The following CTNNA2 variants were observed in gnomAD, a reference collection of about 807,000 sequenced individuals.
CTNNA2 encodes catenin alpha-2.
Under a neutral mutation model 101.0 loss-of-function variants are expected in CTNNA2, and 42 were observed. The ratio of observed to expected loss-of-function variants is 0.42; its 90% CI spans 0.32 to 0.54. CTNNA2 has a LOEUF of 0.54. Among genes scored for constraint, CTNNA2 ranks in the 20% least tolerant of loss-of-function variants. The pLI is 0.14. For missense variants in CTNNA2, 871 were observed against 1,223.1 expected (o/e 0.71, Z 4.29); for synonymous variants, 450 against 456.4 (o/e 0.99, Z 0.18).
chr2:79,359,172 T>C (rs187838292), intron 3 of CTNNA2, among the ~76,000 whole-genome samples: 1 of 152,234 alleles, frequency 6.6e-6, no homozygotes, highest in East Asian at 1.9e-4. Flanking sequence ...GAGAACTAAC[T>C]GTGGATGCCT....
intron 5 of CTNNA2, among the ~76,000 whole-genome samples, chr2:79,506,256 A>T (rs1671411392): frequency 6.6e-6 from 1 of 152,120 alleles, no homozygotes; most frequent in Non-Finnish European, 1.5e-5. Context: ...GATGGAACAT[A>T]TATTTTTTTC....
intron 7 of CTNNA2, among the ~76,000 whole-genome samples, chr2:79,930,837 A>G (rs1311845681): frequency 6.6e-6 from 1 of 152,180 alleles, no homozygotes; most frequent in Non-Finnish European, 1.5e-5. Context: ...TGTTGAAGGT[A>G]CAGTTAGGCA....
At chr2:80,256,170 A>G (rs1672125759) in intron 7 of CTNNA2, among the ~76,000 whole-genome samples, 1 of 152,126 alleles carries the variant, frequency 6.6e-6, no homozygotes, top group African/African-American at 2.4e-5. Flanking sequence ...GCATCTTCAG[A>G]AACCCGTTAA....
chr2:80,213,693 G>A (rs899563339), intron 7 of CTNNA2, among the ~76,000 whole-genome samples: 1 of 152,224 alleles, frequency 6.6e-6, no homozygotes. Flanking sequence ...ATATTCTGCT[G>A]ATTTGGGGTG....
chr2:80,043,307 C>T (rs1696302594), intron 7 of CTNNA2, among the ~76,000 whole-genome samples: 1 of 151,090 alleles, frequency 6.6e-6, no homozygotes, highest in African/African-American at 2.4e-5. Flanking sequence ...AAGCGATTCT[C>T]ATGCCTCAGC....
rs200132670 is a variant in CTNNA2 at position 80,161,698 on chromosome 2, C to T, written c.1057-231513C>T. 7.4e-4 allele frequency among the ~76,000 whole-genome samples: 113 copies of T among 152,252 alleles called. No individual in the cohort carries two copies. In the East Asian group the frequency reaches 0.02, roughly 27 times the overall value. On this transcript the variant is annotated intron_variant, in intron 7 of 18. Coordinates refer to ENST00000402739, the MANE Select transcript of CTNNA2 (RefSeq NM_001282597.3). ...CCAAAAAAGTATGCTTTCAGTAAAA[C>T]ATTTTACCATTTTATCTAACTGTGC...
At chr2:79,327,994 G>A (rs1676785364) in intron 3 of CTNNA2, among the ~76,000 whole-genome samples, 1 of 152,076 alleles carries the variant, frequency 6.6e-6, no homozygotes, top group African/African-American at 2.4e-5. Context: ...GGGAAGAAAG[G>A]CCTAAGGAAA....
intron 3 of CTNNA2, among the ~76,000 whole-genome samples, chr2:79,784,124 C>T (rs190116721): frequency 1.2e-4 from 19 of 152,282 alleles, no homozygotes; most frequent in Non-Finnish European, 2.5e-4. Flanking sequence ...ATTGACAGCA[C>T]CATCACCCTC....
chr2:80,648,488 T>TG lies in CTNNA2; in HGVS notation c.*617dup, dbSNP rs1294700015. The TG allele has an allele frequency of 6.6e-6, 1 of 152,570 alleles. No homozygotes were observed. Among genetic ancestry groups the TG allele is most frequent in the Non-Finnish European group, 1.5e-5 (1 of 68,036 alleles). The allele number at this position is 152,570 out of a possible 1,614,324, so 9.5% of individuals were successfully genotyped here. A position where few individuals can be genotyped will look rare whatever the true frequency, so the allele number is the denominator to read the frequency against. Reference sequence around the variant, plus strand: ...CTAGTTGTGCCATTACTAGTGATCATGTTTTTTTCCCCCCTTTAATGAAAA... The same window carrying TG: ...CTAGTTGTGCCATTACTAGTGATCATGGTTTTTTTCCCCCCTTTAATGAAAA... On this transcript the variant is annotated 3_prime_UTR_variant, in exon 19 of 19. Transcript: ENST00000402739.
chr2:79,332,230 TA>T (rs1319059394), intron 3 of CTNNA2, among the ~76,000 whole-genome samples: 1 of 151,012 alleles, frequency 6.6e-6, no homozygotes, highest in Non-Finnish European at 1.5e-5. Flanking sequence ...ATAGTATTTA[TA>T]TACATACCAG....
intron 7 of CTNNA2, among the ~76,000 whole-genome samples, chr2:80,213,680 T>A (rs1708057408): frequency 6.6e-6 from 1 of 152,212 alleles, no homozygotes; most frequent in Non-Finnish European, 1.5e-5. Flanking sequence ...CTGAAAAGAA[T>A]GTATATTCTG....
intron 6 of CTNNA2, among the ~76,000 whole-genome samples, chr2:79,874,980 G>A (rs1682898257): frequency 2.6e-5 from 4 of 152,296 alleles, no homozygotes; most frequent in South Asian, 2.1e-4. Flanking sequence ...TTGTGCCTGC[G>A]TGAAAAGCTG....
At chr2:80,634,785 T>C (rs1056220725) in intron 18 of CTNNA2, among the ~76,000 whole-genome samples, 2 of 152,116 alleles carry the variant, frequency 1.3e-5, no homozygotes, top group Non-Finnish European at 2.9e-5. Context: ...TTTGAAAATA[T>C]TGCTGACAGG....
intron 17 of CTNNA2, among the ~76,000 whole-genome samples, chr2:80,614,562 C>A (rs1698699618): frequency 6.6e-6 from 1 of 151,356 alleles, no homozygotes; most frequent in South Asian, 2.1e-4. Context: ...GTGTAAAACC[C>A]AGACAAACCT....
chr2:79,525,832 A>G lies in CTNNA2; in HGVS notation c.-6+12625A>G, dbSNP rs2052951. ...CTGCCTTTTCTTAAAGAATTATACC[A>G]TAAGGATGAGTTAAAGTAATACTAA... On this transcript the variant is annotated intron_variant, in intron 1 of 18. Coordinates refer to ENST00000402739, the MANE Select transcript of CTNNA2 (RefSeq NM_001282597.3). Among the ~76,000 whole-genome samples the G allele has an allele frequency of 3.3e-5, 5 of 152,134 alleles. No homozygotes were observed. The East Asian group carries it at 9.6e-4, about 29-fold the overall frequency.
intron 7 of CTNNA2, among the ~76,000 whole-genome samples, chr2:80,337,642 T>C (rs1300536148): frequency 6.6e-6 from 1 of 151,952 alleles, no homozygotes; most frequent in Non-Finnish European, 1.5e-5. Context: ...CCTCTCCTGA[T>C]TGTACCAAGG....
chr2:79,282,431 C>T (rs1675417458), intron 2 of CTNNA2, among the ~76,000 whole-genome samples: 1 of 152,056 alleles, frequency 6.6e-6, no homozygotes, highest in African/African-American at 2.4e-5. Context: ...CAACAGTCCC[C>T]AGAGTGTGAT....
At chr2:80,313,257 G>A (rs886210061) in intron 7 of CTNNA2, 1 of 545,540 alleles carries the variant, frequency 1.8e-6, no homozygotes, top group Non-Finnish European at 2.6e-6. Flanking sequence ...CATTCAAGCT[G>A]TCTCACTCCT....
intron 4 of CTNNA2, among the ~76,000 whole-genome samples, chr2:79,488,996 T>C (rs1240831042): frequency 6.6e-6 from 1 of 152,196 alleles, no homozygotes; most frequent in Non-Finnish European, 1.5e-5. Context: ...TTTATCTCTA[T>C]AGCATGGAAC....
Sources: allele counts gnomAD v4.1 joint callset (sites outside exome capture counted in the v4.1 genomes callset), GRCh38; gene constraint gnomAD v4.1.1; transcripts MANE v1.5; gene names NCBI Gene and HGNC (gene_info 2026-07-23, HGNC 2026-07-21).